Variants in FSTL4 observed in about 807,000 individuals in gnomAD.
The protein encoded by FSTL4 is follistatin-related protein 4.
A neutral mutation model predicts 78.2 loss-of-function variants in FSTL4; 28 were observed. The ratio of observed to expected loss-of-function variants is 0.36; its 90% CI spans 0.27 to 0.49. FSTL4 has a LOEUF of 0.49. Ranked by LOEUF, FSTL4 falls within the 20% of genes least tolerant of loss-of-function variation. The pLI is 0.98. For missense variants in FSTL4, 922 were observed against 1,084.9 expected, an observed-to-expected ratio of 0.85 and a Z score of 2.11; for synonymous variants, 422 against 440.5, an observed-to-expected ratio of 0.96 and a Z score of 0.53.
intron 3 of FSTL4, among the ~76,000 whole-genome samples, chr5:133,561,603 G>A (rs528349665): frequency 9.2e-5 from 14 of 152,322 alleles, no homozygotes; most frequent in Non-Finnish European, 1.8e-4. Flanking sequence ...GACAGGATGA[G>A]TGTGAGAATC....
At chr5:133,705,706 A>G in the FSTL4 span, among the ~76,000 whole-genome samples, 1 of 152,124 alleles carries the variant, frequency 6.6e-6, no homozygotes, top group Non-Finnish European at 1.5e-5. Context: ...CGTGAGCAGC[A>G]TCTTCAAATC....
chr5:133,539,256 C>T (rs184199508), intron 3 of FSTL4, among the ~76,000 whole-genome samples: 1 of 151,864 alleles, frequency 6.6e-6, no homozygotes, highest in East Asian at 1.9e-4. Flanking sequence ...TGCTATGATC[C>T]ACCCTCTGGC....
the FSTL4 span, among the ~76,000 whole-genome samples, chr5:133,752,634 T>A: frequency 0.021 from 3,145 of 151,398 alleles, 106 homozygotes; most frequent in African/African-American, 0.069. Flanking sequence ...AAAATTAAAT[T>A]AAATTAAATT....
chr5:133,501,601 C>G (rs1381984619), intron 3 of FSTL4, among the ~76,000 whole-genome samples: 3 of 152,176 alleles, frequency 2.0e-5, no homozygotes, highest in Non-Finnish European at 4.4e-5. Context: ...TTAAAGGGCA[C>G]CTTTGAAGAC....
At chr5:133,427,556 A>G (rs757173016) in intron 3 of FSTL4, 7 of 498,160 alleles carry the variant, frequency 1.4e-5, no homozygotes, top group African/African-American at 1.4e-4. Flanking sequence ...GAGTGCTTCC[A>G]GCAATTAGTG....
chr5:133,680,088 G>T, the FSTL4 span, among the ~76,000 whole-genome samples: 1 of 152,176 alleles, frequency 6.6e-6, no homozygotes, highest in Non-Finnish European at 1.5e-5. Context: ...ACCTGATCAT[G>T]TCAAACAACC....
At chr5:133,792,743 G>A in the FSTL4 span, among the ~76,000 whole-genome samples, 30 of 152,268 alleles carry the variant, frequency 2.0e-4, no homozygotes, top group South Asian at 3.1e-3. Flanking sequence ...CGAAGGAGAG[G>A]AATTATATTA....
chr5:133,432,841 T>C (rs1367076752), intron 3 of FSTL4, among the ~76,000 whole-genome samples: 1 of 152,140 alleles, frequency 6.6e-6, no homozygotes, highest in African/African-American at 2.4e-5. Flanking sequence ...CACAGCAACA[T>C]AACAAATCTC....
At chr5:133,666,143 T>C in the FSTL4 span, among the ~76,000 whole-genome samples, 2 of 152,164 alleles carry the variant, frequency 1.3e-5, no homozygotes, top group Non-Finnish European at 2.9e-5. Context: ...CAGAATCTCA[T>C]CTGCACACGA....
the FSTL4 span, among the ~76,000 whole-genome samples, chr5:133,672,480 A>G: frequency 1.3e-5 from 2 of 152,244 alleles, no homozygotes; most frequent in Non-Finnish European, 2.9e-5. Flanking sequence ...ATTAAACCTC[A>G]TATCTATCTG....
chr5:133,716,641 A>C, the FSTL4 span, among the ~76,000 whole-genome samples: 2 of 152,162 alleles, frequency 1.3e-5, no homozygotes, highest in Non-Finnish European at 2.9e-5. Context: ...ATCTTGACTA[A>C]TACATTGGAA....
intron 2 of FSTL4, among the ~76,000 whole-genome samples, chr5:133,580,139 G>C (rs1760369717): frequency 1.3e-5 from 2 of 152,114 alleles, no homozygotes; most frequent in Non-Finnish European, 2.9e-5. Context: ...CCTCCCCTTG[G>C]ATCTTCCTGC....
chr5:133,691,146 CAAAT>C, the FSTL4 span, among the ~76,000 whole-genome samples: 1 of 152,106 alleles, frequency 6.6e-6, no homozygotes, highest in African/African-American at 2.4e-5. Flanking sequence ...GGGGAGAAAA[CAAAT>C]AAAATTTTGT....
At chr5:133,569,456 T>G (rs1021802134) in intron 2 of FSTL4, among the ~76,000 whole-genome samples, 1 of 152,226 alleles carries the variant, frequency 6.6e-6, no homozygotes, top group African/African-American at 2.4e-5. Context: ...TAAAAATAAA[T>G]GTATGTGCTA....
chr5:133,610,287 T>C (rs1055349660), intron 1 of FSTL4, among the ~76,000 whole-genome samples: 1 of 152,148 alleles, frequency 6.6e-6, no homozygotes, highest in African/African-American at 2.4e-5. Context: ...AAAAGAGCTT[T>C]CCTAGAATCA....
At chr5:133,336,536 G>A (rs1754469343) in intron 4 of FSTL4, among the ~76,000 whole-genome samples, 1 of 152,212 alleles carries the variant, frequency 6.6e-6, no homozygotes, top group Admixed American at 6.5e-5. Flanking sequence ...TTCTGTTAAG[G>A]AGGGTGAGAA....
chr5:133,350,804 G>A (rs143454285), intron 4 of FSTL4, among the ~76,000 whole-genome samples: 5 of 152,220 alleles, frequency 3.3e-5, no homozygotes, highest in Admixed American at 1.3e-4. Context: ...CTCCTTCCAG[G>A]CAGTGACAGG....
chr5:133,208,290 G>C (rs1390428904), intron 14 of FSTL4: 1 of 152,186 alleles, frequency 6.6e-6, no homozygotes, highest in African/African-American at 2.4e-5. Context: ...CTTGGGAATA[G>C]AACCCTTGGA....
At chr5:133,648,960 C>G in the FSTL4 span, among the ~76,000 whole-genome samples, 126 of 152,242 alleles carry the variant, frequency 8.3e-4, no homozygotes, top group African/African-American at 3.0e-3. Flanking sequence ...TGACATGTAT[C>G]CACTATTATA....
Sources: allele counts gnomAD v4.1 joint callset (sites outside exome capture counted in the v4.1 genomes callset), GRCh38; gene constraint gnomAD v4.1.1; transcripts MANE v1.5; gene names NCBI Gene and HGNC (gene_info 2026-07-23, HGNC 2026-07-21).